IL1RAPL1: variants seen among roughly 807,000 people sequenced by gnomAD.
IL1RAPL1 encodes interleukin-1 receptor accessory protein-like 1.
In IL1RAPL1, 3 loss-of-function variants were observed where a neutral mutation model predicts 48.4. The observed-to-expected ratio is 0.06, with a 90% CI of 0.03 to 0.16. The LOEUF is 0.16. IL1RAPL1 is among the 10% of genes least tolerant of loss of function. The pLI is 1.00. For missense variants in IL1RAPL1, 349 were observed against 530.6 expected (o/e 0.66, Z 3.36); for synonymous variants, 185 against 187.7 (o/e 0.99, Z 0.12).
At chrX:28,600,130 T>G (rs936323757) in intron 1 of IL1RAPL1, among the ~76,000 whole-genome samples, 1 of 111,970 alleles carries the variant, frequency 8.9e-6, no homozygotes, top group African/African-American at 3.3e-5. Context: ...TCTGACAAGA[T>G]CGTATTTTTT....
At chrX:28,730,616 C>CT (rs1935743176) in intron 1 of IL1RAPL1, among the ~76,000 whole-genome samples, 1 of 111,713 alleles carries the variant, frequency 9.0e-6, no homozygotes, top group Non-Finnish European at 1.9e-5. Context: ...GTGTGATATA[C>CT]TTGTTGAACA....
intron 3 of IL1RAPL1, among the ~76,000 whole-genome samples, chrX:29,309,424 G>C (rs1932673596): frequency 9.0e-6 from 1 of 111,540 alleles, no homozygotes; most frequent in Admixed American, 9.5e-5. Flanking sequence ...GCTTCCAGGT[G>C]CTTGAGAAAG....
At chrX:28,850,805 T>C (rs1450706258) in intron 2 of IL1RAPL1, among the ~76,000 whole-genome samples, 2 of 109,064 alleles carry the variant, frequency 1.8e-5, no homozygotes, top group Non-Finnish European at 3.8e-5. Flanking sequence ...AAACCTGATC[T>C]GTAGTCCTAA....
intron 5 of IL1RAPL1, among the ~76,000 whole-genome samples, chrX:29,631,103 C>T (rs1274585145): frequency 8.9e-6 from 1 of 112,015 alleles, no homozygotes; most frequent in East Asian, 2.8e-4. Flanking sequence ...AGATTGTGAT[C>T]TTTAACTAAA....
chrX:29,215,442 CTG>C (rs1374270464), intron 2 of IL1RAPL1, among the ~76,000 whole-genome samples: 1 of 111,151 alleles, frequency 9.0e-6, no homozygotes, highest in East Asian at 2.8e-4. Flanking sequence ...TAATGAGACA[CTG>C]TTACATGAAT....
At chrX:28,904,609 C>G (rs988376821) in intron 2 of IL1RAPL1, among the ~76,000 whole-genome samples, 4 of 111,954 alleles carry the variant, frequency 3.6e-5, no homozygotes, top group Non-Finnish European at 7.5e-5. Context: ...CCACAGTTTC[C>G]TTGTTCATAA....
At chrX:29,660,589 A>G (rs1032223576) in intron 5 of IL1RAPL1, among the ~76,000 whole-genome samples, 6 of 112,160 alleles carry the variant, frequency 5.3e-5, no homozygotes, top group East Asian at 5.6e-4. Flanking sequence ...TAAAGAGACT[A>G]TCCTTTCCCC....
At chrX:28,744,448 G>T (rs1935948276) in intron 1 of IL1RAPL1, among the ~76,000 whole-genome samples, 2 of 111,640 alleles carry the variant, frequency 1.8e-5, no homozygotes. Context: ...TTTATAAGCA[G>T]TATGAGAACC....
chrX:29,248,742 C>G (rs759573975), intron 2 of IL1RAPL1, among the ~76,000 whole-genome samples: 137 of 112,224 alleles, frequency 1.2e-3, no homozygotes, highest in African/African-American at 4.2e-3. Flanking sequence ...TCAGGCAAGT[C>G]AGCAATACCT....
chrX:28,864,174 T>G (rs769527591), intron 2 of IL1RAPL1, among the ~76,000 whole-genome samples: 2 of 112,369 alleles, frequency 1.8e-5, no homozygotes, highest in East Asian at 5.6e-4. Context: ...AAATGTGGCT[T>G]TAGAAGCCTA....
chrX:28,815,239 A>T (rs1340849626), intron 2 of IL1RAPL1, among the ~76,000 whole-genome samples: 1 of 110,514 alleles, frequency 9.0e-6, no homozygotes, highest in Non-Finnish European at 1.9e-5. Context: ...AAATCCCTCA[A>T]GTTTTGTTTG....
chrX:29,613,568 G>A (rs2147069623), intron 5 of IL1RAPL1, among the ~76,000 whole-genome samples: 1 of 110,745 alleles, frequency 9.0e-6, no homozygotes, highest in South Asian at 3.8e-4. Flanking sequence ...GCCTAGGAGG[G>A]CAATGAAAGG....
intron 6 of IL1RAPL1, among the ~76,000 whole-genome samples, chrX:29,867,544 T>C (rs1172724756): frequency 2.7e-5 from 3 of 112,205 alleles, no homozygotes; most frequent in Non-Finnish European, 5.6e-5. Flanking sequence ...TGCTGATACC[T>C]TGATCTTGCA....
intron 5 of IL1RAPL1, among the ~76,000 whole-genome samples, chrX:29,532,129 C>T (rs1921063438): frequency 9.0e-6 from 1 of 111,643 alleles, no homozygotes. Flanking sequence ...AAACATCCCC[C>T]CTTTCTTAGC....
At chrX:28,814,341 T>TGTGTG (rs1555926294) in intron 2 of IL1RAPL1, among the ~76,000 whole-genome samples, 1 of 89,751 alleles carries the variant, frequency 1.1e-5, no homozygotes, top group Non-Finnish European at 2.2e-5. Flanking sequence ...ATTTTCAGGT[T>TGTGTG]TGTGTGTGTG....
At chrX:29,326,516 G>A (rs2147629870) in intron 3 of IL1RAPL1, among the ~76,000 whole-genome samples, 1 of 112,390 alleles carries the variant, frequency 8.9e-6, no homozygotes, top group Admixed American at 9.4e-5. Flanking sequence ...CCTTGTAAAT[G>A]TACTTTTAAT....
chrX:28,830,992 T>TTTTCTC lies in IL1RAPL1; in HGVS notation c.82+41568_82+41569insTTCTCT, dbSNP rs1350258890. On this transcript the variant is annotated intron_variant, in intron 2 of 10. Transcript: ENST00000378993. ...AATTCTCCCAACCTTTGCCCAGGGT[T>TTTTCTC]TCTCTCTCTCTCTCTCTCTCTCTCT... is the stretch of plus-strand genomic sequence containing the variant. Among the ~76,000 whole-genome samples the TTTTCTC allele has an allele frequency of 1.2e-3, 20 of 16,065 alleles. 1 individual carries two copies. In the Admixed American group the frequency reaches 0.015, roughly 12 times the overall value. 14.0% of individuals were successfully genotyped at this position (16,065 alleles called of 115,157 possible). A position where few individuals can be genotyped will look rare whatever the true frequency, so the allele number is the denominator to read the frequency against.
chrX:28,783,834 C>T (rs1429333141), intron 1 of IL1RAPL1, among the ~76,000 whole-genome samples: 1 of 111,214 alleles, frequency 9.0e-6, no homozygotes, highest in Admixed American at 9.6e-5. Context: ...ATGACCTATC[C>T]AGGCTGCACT....
At chrX:28,907,850 G>A (rs1923259549) in intron 2 of IL1RAPL1, among the ~76,000 whole-genome samples, 1 of 111,789 alleles carries the variant, frequency 8.9e-6, no homozygotes, top group Non-Finnish European at 1.9e-5. Flanking sequence ...GAATTTCCTG[G>A]TGAAATAATC....
Sources: allele counts gnomAD v4.1 joint callset (sites outside exome capture counted in the v4.1 genomes callset), GRCh38; gene constraint gnomAD v4.1.1; transcripts MANE v1.5; gene names NCBI Gene and HGNC (gene_info 2026-07-23, HGNC 2026-07-21).